The following MTA3 variants were observed in gnomAD, a reference collection of about 807,000 sequenced individuals.
The protein encoded by MTA3 is metastasis associated 1 family member 3.
In MTA3, 34 loss-of-function variants were observed where a neutral mutation model predicts 83.5. The observed-to-expected ratio is 0.41, with a 90% confidence interval of 0.31 to 0.54. MTA3 has a LOEUF of 0.54. Ranked by LOEUF, MTA3 falls within the 20% of genes least tolerant of loss-of-function variation. The pLI is 0.33. For synonymous variants in MTA3, 303 were observed against 252.7 expected (o/e 1.20, Z -1.89); for missense variants, 761 against 726.4 (o/e 1.05, Z -0.55).
intron 2 of MTA3, among the ~76,000 whole-genome samples, chr2:42,519,886 T>A (rs1675337816): frequency 6.6e-6 from 1 of 152,006 alleles, no homozygotes. Context: ...CTGTCTCACG[T>A]AAACAATTTG....
chr2:42,749,908 A>G (rs931126361), intron 16 of MTA3, among the ~76,000 whole-genome samples: 4 of 152,214 alleles, frequency 2.6e-5, no homozygotes, highest in African/African-American at 9.7e-5. Flanking sequence ...TCAGTTAAGA[A>G]AAAACAACAT....
At position 42,609,720 on chromosome 2, in the gene MTA3, G is replaced by C. The variant is rs557697244; in HGVS notation, c.317+136G>C. The C allele has an allele frequency of 2.5e-4, 252 of 1,007,508 alleles. 2 individuals carry two copies. The African/African-American group carries it at 3.3e-3, about 13-fold the overall frequency. The allele number at this position is 1,007,508 out of a possible 1,614,324, so 62.4% of individuals were successfully genotyped here. On this transcript the variant is annotated intron_variant, in intron 4 of 16. Coordinates refer to ENST00000405094, the MANE Select transcript of MTA3 (RefSeq NM_001330442.2). ...CTAAAGGCTTCATAATGGAATTTTAGGTTGGAAATTTATAATGTGTATTAC... is the reference window on the plus strand; with the variant it reads ...CTAAAGGCTTCATAATGGAATTTTACGTTGGAAATTTATAATGTGTATTAC...
chr2:42,675,695 T>C (rs1558571012), intron 8 of MTA3, among the ~76,000 whole-genome samples: 1 of 152,236 alleles, frequency 6.6e-6, no homozygotes, highest in Non-Finnish European at 1.5e-5. Context: ...ATTTGTGTTA[T>C]CTTACTGATA....
At chr2:42,641,066 C>A (rs1291896988) in intron 5 of MTA3, among the ~76,000 whole-genome samples, 1 of 151,958 alleles carries the variant, frequency 6.6e-6, no homozygotes, top group African/African-American at 2.4e-5. Context: ...GCCACCATAC[C>A]CGGCTAATTT....
At chr2:42,638,887 G>A (rs963075952) in intron 4 of MTA3, among the ~76,000 whole-genome samples, 1 of 64,992 alleles carries the variant, frequency 1.5e-5, no homozygotes, top group African/African-American at 8.7e-5. Context: ...TTTTTATAAG[G>A]GGTTTTTTTT....
At chr2:42,588,653 A>G (rs1207526927) in intron 3 of MTA3, among the ~76,000 whole-genome samples, 1 of 152,168 alleles carries the variant, frequency 6.6e-6, no homozygotes, top group Non-Finnish European at 1.5e-5. Flanking sequence ...CTGAGACCTA[A>G]CAAAAGATTA....
rs200959961 is a variant in MTA3 at position 42,635,116 on chromosome 2, TTC to T, written c.318-5052_318-5051del. The stretch of plus-strand genomic sequence containing the variant: ...CATAGAATTTTGGTTTGGAAATCAC[TTC>T]TCTCAGAATTTTGAATCTGTGCTAT... On this transcript the variant is annotated intron_variant, in intron 4 of 16. Coordinates refer to ENST00000405094, the MANE Select transcript of MTA3 (RefSeq NM_001330442.2). 7.2e-4 allele frequency among the ~76,000 whole-genome samples: 109 copies of T among 152,358 alleles called. No homozygotes were observed. The East Asian group carries it at 9.2e-3, about 13-fold the overall frequency.
Position 42,568,694 on chromosome 2 carries a change from G to A in MTA3, c.-52G>A. The stretch of plus-strand genomic sequence containing the variant: ...GGTCGCGGCTGAGGCTGAGGAGGAG[G>A]CGGCGGCGGCGGGCGGGGCTCGGCT... On this transcript the variant is annotated 5_prime_UTR_variant, in exon 1 of 17. Transcript: ENST00000405094. 1.8e-6 allele frequency: 2 copies of A among 1,137,928 alleles called. No homozygotes were observed. The highest frequency in any genetic ancestry group is 3.7e-5 in the East Asian group (1 of 26,866). 70.5% of individuals were successfully genotyped at this position (1,137,928 alleles called of 1,614,324 possible).
intron 2 of MTA3, among the ~76,000 whole-genome samples, chr2:42,495,942 A>G (rs1674109909): frequency 6.6e-6 from 1 of 152,200 alleles, no homozygotes; most frequent in Non-Finnish European, 1.5e-5. Flanking sequence ...GAGGATGGGG[A>G]AAAGTTTGCA....
intron 2 of MTA3, among the ~76,000 whole-genome samples, chr2:42,546,353 C>G (rs762194531): frequency 6.6e-6 from 1 of 152,106 alleles, no homozygotes; most frequent in South Asian, 2.1e-4. Context: ...CTGGCAATCT[C>G]GGTTCCAGAA....
chr2:42,565,568 A>G (rs189386751), upstream of MTA3, among the ~76,000 whole-genome samples: 1 of 152,168 alleles, frequency 6.6e-6, no homozygotes, highest in Admixed American at 6.6e-5. Flanking sequence ...AGGAAATTTC[A>G]TCCATGGAAG....
At chr2:42,746,431 C>T (rs1573840045) in intron 16 of MTA3, among the ~76,000 whole-genome samples, 1 of 152,248 alleles carries the variant, frequency 6.6e-6, no homozygotes, top group African/African-American at 2.4e-5. Context: ...CTTTTCCCCA[C>T]ACACCAAGCA....
At chr2:42,609,330 C>A in intron 3 of MTA3, 128 bp from the exon 4 acceptor site, 3 of 1,071,566 alleles carry the variant, frequency 2.8e-6, no homozygotes, top group South Asian at 1.7e-5. Context: ...CTGCACCTGG[C>A]AAATGTTTAA....
intron 3 of MTA3, among the ~76,000 whole-genome samples, chr2:42,590,634 T>TTTTG (rs1553351759): frequency 1.2e-4 from 2 of 16,622 alleles, no homozygotes; most frequent in African/African-American, 1.9e-4. Context: ...TTTTTTTTTG[T>TTTTG]GAGGTGGAGT....
At position 42,754,926 on chromosome 2, in the gene MTA3, T is replaced by G; in HGVS notation, c.*1527T>G. ...TCTCAGCTTCTTTTCTGAGGAGGAG[T>G]TGGTTCTCATCTTAGGCTTCTGCAA... On this transcript the variant is annotated 3_prime_UTR_variant, in exon 17 of 17. Coordinates refer to ENST00000405094, the MANE Select transcript of MTA3 (RefSeq NM_001330442.2). 1 of 984,952 alleles carries G rather than the reference T, an allele frequency of 1.0e-6. No homozygotes were observed. Among genetic ancestry groups the G allele is most frequent in the Non-Finnish European group, 1.2e-6 (1 of 829,924 alleles). 61.0% of individuals were successfully genotyped at this position (984,952 alleles called of 1,614,324 possible).
At chr2:42,495,895 C>T (rs1249207743) in intron 2 of MTA3, among the ~76,000 whole-genome samples, 1 of 152,178 alleles carries the variant, frequency 6.6e-6, no homozygotes, top group Non-Finnish European at 1.5e-5. Context: ...AGACCAAGAA[C>T]TTTGCAGGTC....
chr2:42,527,413 C>T (rs1675765766), intron 2 of MTA3, among the ~76,000 whole-genome samples: 3 of 152,122 alleles, frequency 2.0e-5, no homozygotes, highest in Admixed American at 6.6e-5. Flanking sequence ...TAGTGAAGGC[C>T]GCATCTCTGA....
intron 8 of MTA3, among the ~76,000 whole-genome samples, chr2:42,672,317 T>C (rs182559172): frequency 6.7e-6 from 1 of 148,370 alleles, no homozygotes; most frequent in South Asian, 2.1e-4. Context: ...CCAGCCTGAG[T>C]CAACATAGTA....
intron 4 of MTA3, among the ~76,000 whole-genome samples, chr2:42,621,479 A>T (rs1367223412): frequency 6.6e-6 from 1 of 152,254 alleles, no homozygotes; most frequent in Non-Finnish European, 1.5e-5. Context: ...ATCCCAAGGC[A>T]GAACAATTCT....
Sources: gnomAD v4.1 joint callset for allele counts (sites outside exome capture counted in the v4.1 genomes callset) on GRCh38, gnomAD v4.1.1 for gene constraint, MANE v1.5 for transcripts, NCBI Gene and HGNC (gene_info 2026-07-23, HGNC 2026-07-21) for gene names.